Variants in JAKMIP3 observed in about 807,000 individuals in gnomAD.
JAKMIP3 encodes the protein janus kinase and microtubule-interacting protein 3.
JAKMIP3 carries 58 observed loss-of-function variants against 118.5 expected under a neutral mutation model. That is an observed-to-expected ratio of 0.49 (90% CI 0.40 to 0.61). The LOEUF (loss-of-function observed/expected upper bound fraction) is 0.61, where lower values mean the gene tolerates loss of function less well. Ranked by LOEUF, JAKMIP3 falls within the 20% of genes least tolerant of loss-of-function variation. The probability of loss-of-function intolerance (pLI) is 0.00; values close to 1 mark genes in which losing one functional copy is unlikely to be tolerated. For missense variants in JAKMIP3, 950 were observed against 1,109.0 expected (o/e 0.86, Z 2.04); for synonymous variants, 486 against 451.2 (o/e 1.08, Z -0.98).
At chr10:132,075,679 A>G (rs1218798863) in intron 1 of JAKMIP3, among the ~76,000 whole-genome samples, 1 of 152,144 alleles carries the variant, frequency 6.6e-6, no homozygotes, top group East Asian at 1.9e-4. Flanking sequence ...CAAAGTGCTC[A>G]TGCCTGTAAT....
chr10:132,132,600 AC>A (rs1472211021), intron 3 of JAKMIP3, among the ~76,000 whole-genome samples: 2 of 152,358 alleles, frequency 1.3e-5, no homozygotes, highest in African/African-American at 4.8e-5. Context: ...GGTGGGGCAG[AC>A]ATCCTGCACA....
chr10:132,094,612 C>G (rs2043596391), intron 1 of JAKMIP3, among the ~76,000 whole-genome samples: 1 of 152,098 alleles, frequency 6.6e-6, no homozygotes, highest in East Asian at 1.9e-4. Flanking sequence ...CTGTGGGCCT[C>G]TTGGACATGG....
intron 3 of JAKMIP3, among the ~76,000 whole-genome samples, chr10:132,122,622 C>T (rs1243204570): frequency 6.6e-6 from 1 of 152,232 alleles, no homozygotes; most frequent in Non-Finnish European, 1.5e-5. Flanking sequence ...AGTGTGGCAC[C>T]TGGTGAGGGC....
At chr10:132,146,152 C>G (rs1172130693) in intron 13 of JAKMIP3, among the ~76,000 whole-genome samples, 1 of 146,086 alleles carries the variant, frequency 6.8e-6, no homozygotes, top group Admixed American at 6.7e-5. Context: ...CCCCCACCCC[C>G]ACCCTGGCCC....
Position 132,168,520 on chromosome 10 carries a change from G to A in JAKMIP3, c.*590G>A, listed in dbSNP as rs2059168745. 1.7e-6 allele frequency: 1 copy of A among 575,630 alleles called. No homozygotes were observed. The highest frequency in any genetic ancestry group is 6.8e-5 in the East Asian group (1 of 14,616). The allele number at this position is 575,630 out of a possible 1,614,324, so 35.7% of individuals were successfully genotyped here. A position where few individuals can be genotyped will look rare whatever the true frequency, so the allele number is the denominator to read the frequency against. ...TGCTGCAATATGTTGCTGGGGTCCTGAGCACCCGCTGGCCAACAGACCCCA... is the reference window on the plus strand; with the variant it reads ...TGCTGCAATATGTTGCTGGGGTCCTAAGCACCCGCTGGCCAACAGACCCCA... On this transcript the variant is annotated 3_prime_UTR_variant, in exon 23 of 24. Transcript: ENST00000684848.
chr10:132,046,974 C>G (rs375578555), intron 1 of JAKMIP3, among the ~76,000 whole-genome samples: 74 of 152,278 alleles, frequency 4.9e-4, no homozygotes, highest in African/African-American at 1.6e-3. Context: ...ACCTTGTACT[C>G]CTGGGCTCAA....
intron 1 of JAKMIP3, among the ~76,000 whole-genome samples, chr10:132,070,261 C>A (rs2039626150): frequency 6.6e-6 from 1 of 152,164 alleles, no homozygotes; most frequent in African/African-American, 2.4e-5. Context: ...AATTCTCCTA[C>A]CTCAGCCTCC....
In JAKMIP3 at chr10:132,164,712, CA is replaced by C; in HGVS notation, c.2470del (p.Ile824Ter). 1 of 1,603,632 alleles carries C rather than the reference CA, an allele frequency of 6.2e-7. No individual in the cohort carries two copies. The highest frequency in any genetic ancestry group is 8.5e-7 in the Non-Finnish European group (1 of 1,170,664). ...AGAAAGAATAGAAGCTCAGAAGAGA[CA>C]AATAAAGGAACTGGAGGAAAAGGTA... The part of the protein sequence containing the change: ...LEERIEAQKR[Q>X]IKELEEKFLF... On this transcript the variant is annotated frameshift_variant, in exon 21 of 24. Transcript: ENST00000684848. LOFTEE classifies it high-confidence loss of function.
intron 8 of JAKMIP3, 59 bp downstream of exon 8, chr10:132,137,348 G>T: frequency 6.2e-7 from 1 of 1,601,270 alleles, no homozygotes; most frequent in South Asian, 1.1e-5. Context: ...TTGCCCGTGG[G>T]ACCCATTCTG....
upstream of JAKMIP3, among the ~76,000 whole-genome samples, chr10:132,061,588 C>T (rs1278065171): frequency 1.3e-5 from 2 of 152,192 alleles, no homozygotes; most frequent in Non-Finnish European, 2.9e-5. Flanking sequence ...TGGGGCAGAG[C>T]TTGACAGAGA....
At position 132,168,457 on chromosome 10, in the gene JAKMIP3, C is replaced by T. The variant is rs2059163749; in HGVS notation, c.*527C>T. On this transcript the variant is annotated 3_prime_UTR_variant, in exon 23 of 24. Coordinates refer to ENST00000684848, the MANE Select transcript of JAKMIP3 (RefSeq NM_001323087.2). ...GAACCTGGAGGCTCCCTGGGATGGT[C>T]CTGGGAGGGCTCCCCGACGCCTCAG... is the stretch of plus-strand genomic sequence containing the variant. The T allele has an allele frequency of 3.3e-6, 4 of 1,227,380 alleles. No homozygotes were observed. Among genetic ancestry groups the T allele is most frequent in the Non-Finnish European group, 4.2e-6 (4 of 941,922 alleles). The allele number at this position is 1,227,380 out of a possible 1,614,324, so 76.0% of individuals were successfully genotyped here. A position where few individuals can be genotyped will look rare whatever the true frequency, so the allele number is the denominator to read the frequency against.
At chr10:132,080,356 G>A (rs1589765355) in intron 1 of JAKMIP3, among the ~76,000 whole-genome samples, 2 of 152,090 alleles carry the variant, frequency 1.3e-5, no homozygotes, top group East Asian at 1.9e-4. Flanking sequence ...TAGTGGTTTC[G>A]ATTTGCACTT....
intron 20 of JAKMIP3, 119 bp from the exon 21 acceptor site, chr10:132,164,551 A>G: frequency 2.9e-6 from 2 of 698,562 alleles, no homozygotes; most frequent in East Asian, 2.7e-5. Flanking sequence ...GCCACGGGCC[A>G]TGGCCATGCC....
At chr10:132,100,115 G>A (rs1369318857) in intron 1 of JAKMIP3, among the ~76,000 whole-genome samples, 2 of 152,218 alleles carry the variant, frequency 1.3e-5, no homozygotes, top group Non-Finnish European at 2.9e-5. Context: ...AGATGCAGCT[G>A]TGACCAGACT....
At chr10:132,098,614 C>G (rs1386584929) in intron 1 of JAKMIP3, among the ~76,000 whole-genome samples, 2 of 152,192 alleles carry the variant, frequency 1.3e-5, no homozygotes, top group Admixed American at 1.3e-4. Flanking sequence ...CCTTAAGAGC[C>G]CTTCTAGGTA....
chr10:132,079,276 G>A (rs114252901), intron 1 of JAKMIP3, among the ~76,000 whole-genome samples: 27 of 152,340 alleles, frequency 1.8e-4, no homozygotes, highest in Admixed American at 4.6e-4. Flanking sequence ...TATTAGATGG[G>A]TCCATTTGCT....
intron 1 of JAKMIP3, among the ~76,000 whole-genome samples, chr10:132,088,225 T>G (rs2042648812): frequency 6.6e-6 from 1 of 152,186 alleles, no homozygotes; most frequent in African/African-American, 2.4e-5. Context: ...ATATACCCAG[T>G]AATGGGATGG....
intron 9 of JAKMIP3, among the ~76,000 whole-genome samples, chr10:132,139,912 G>GA (rs1277136872): frequency 6.6e-6 from 1 of 152,168 alleles, no homozygotes; most frequent in Non-Finnish European, 1.5e-5. Flanking sequence ...GGACCCAGAT[G>GA]AGTCCCTCTT....
chr10:132,142,859 C>A (rs1308004148), intron 11 of JAKMIP3, among the ~76,000 whole-genome samples: 2 of 152,028 alleles, frequency 1.3e-5, no homozygotes, highest in Admixed American at 1.3e-4. Context: ...CCAAAACCAC[C>A]CTGCAGGGCC....
Sources: gnomAD v4.1 joint callset for allele counts (sites outside exome capture counted in the v4.1 genomes callset) on GRCh38, gnomAD v4.1.1 for gene constraint, MANE v1.5 for transcripts, NCBI Gene and HGNC (gene_info 2026-07-23, HGNC 2026-07-21) for gene names.